The following GCH1 variants were observed in gnomAD, a reference collection of about 807,000 sequenced individuals.
GCH1 encodes the protein GTP cyclohydrolase I.
GCH1 carries 5 observed loss-of-function variants against 25.9 expected under a neutral mutation model. The observed-to-expected ratio is 0.19, with a 90% CI of 0.10 to 0.41. The LOEUF is 0.41. Ranked by LOEUF, GCH1 falls within the 10% of genes least tolerant of loss-of-function variation. The probability of loss-of-function intolerance (pLI) is 1.00; values close to 1 mark genes in which losing one functional copy is unlikely to be tolerated. For synonymous variants in GCH1, 159 were observed against 129.6 expected, an observed-to-expected ratio of 1.23 and a Z score of -1.54; for missense variants, 261 against 336.5, an observed-to-expected ratio of 0.78 and a Z score of 1.75.
chr14:54,869,306 T>G (rs752061252), intron 1 of GCH1, among the ~76,000 whole-genome samples: 1 of 152,206 alleles, frequency 6.6e-6, no homozygotes, highest in Non-Finnish European at 1.5e-5. Context: ...CCCAAAGTGC[T>G]GAGATTACAG....
chr14:54,902,197 G>C, intron 1 of GCH1, 124 bp downstream of exon 1: 1 of 1,088,908 alleles, frequency 9.2e-7, no homozygotes. Flanking sequence ...GTTCGGAGGT[G>C]ACAGCGCCCG....
chr14:54,867,459 A>ATG (rs2040003952), intron 1 of GCH1, among the ~76,000 whole-genome samples: 1 of 151,840 alleles, frequency 6.6e-6, no homozygotes, highest in African/African-American at 2.4e-5. Flanking sequence ...GTGGTGGTGC[A>ATG]TGCCTGTAGT....
chr14:54,856,560 C>A (rs990425648), intron 3 of GCH1, among the ~76,000 whole-genome samples: 4 of 152,196 alleles, frequency 2.6e-5, no homozygotes, highest in Non-Finnish European at 4.4e-5. Flanking sequence ...TCAAGCGATT[C>A]TTCCATCTCA....
At chr14:54,901,307 CGGAA>C (rs1053957653) in intron 1 of GCH1, among the ~76,000 whole-genome samples, 1 of 152,178 alleles carries the variant, frequency 6.6e-6, no homozygotes, top group African/African-American at 2.4e-5. Flanking sequence ...CCAAGACACA[CGGAA>C]GGTGTAGACT....
At chr14:54,897,262 A>G (rs2040500801) in intron 1 of GCH1, among the ~76,000 whole-genome samples, 1 of 148,736 alleles carries the variant, frequency 6.7e-6, no homozygotes, top group Non-Finnish European at 1.5e-5. Flanking sequence ...CTGGGATTAC[A>G]GACTTGAGCC....
At chr14:54,847,959 G>A (rs138130008) in intron 3 of GCH1, among the ~76,000 whole-genome samples, 7 of 151,920 alleles carry the variant, frequency 4.6e-5, no homozygotes, top group African/African-American at 7.2e-5. Flanking sequence ...AGCACACCAC[G>A]GTCAACTACT....
At chr14:54,899,536 C>T (rs1393610843) in intron 1 of GCH1, among the ~76,000 whole-genome samples, 1 of 152,102 alleles carries the variant, frequency 6.6e-6, no homozygotes, top group Non-Finnish European at 1.5e-5. Flanking sequence ...AACAGGGTCT[C>T]CCCACGTTGC....
At chr14:54,865,178 G>C (rs1210605036) in intron 2 of GCH1, 149 bp downstream of exon 2, 1 of 566,032 alleles carries the variant, frequency 1.8e-6, no homozygotes, top group East Asian at 3.0e-5. Context: ...CAAGTTATTA[G>C]TCAGGTTAAT....
chr14:54,899,364 G>A (rs1301071830), intron 1 of GCH1, among the ~76,000 whole-genome samples: 2 of 152,150 alleles, frequency 1.3e-5, no homozygotes, highest in African/African-American at 4.8e-5. Flanking sequence ...AGGAGGCTGA[G>A]GTGGGATCAC....
chr14:54,846,918 A>T (rs2039651229), intron 4 of GCH1, among the ~76,000 whole-genome samples, 181 bp downstream of exon 4: 1 of 152,066 alleles, frequency 6.6e-6, no homozygotes, highest in Admixed American at 6.5e-5. Context: ...AAAATTAGCC[A>T]AGGCATGGTG....
intron 3 of GCH1, among the ~76,000 whole-genome samples, chr14:54,856,016 T>C (rs1217953877): frequency 8.0e-6 from 1 of 125,250 alleles, no homozygotes; most frequent in Non-Finnish European, 1.6e-5. Context: ...GTTGCTTTTA[T>C]AGTCAAAAAA....
At chr14:54,893,511 T>C (rs965240699) in intron 1 of GCH1, among the ~76,000 whole-genome samples, 2 of 152,168 alleles carry the variant, frequency 1.3e-5, no homozygotes, top group Non-Finnish European at 2.9e-5. Context: ...AAAGCGGGGA[T>C]AGGTGAGGAA....
intron 1 of GCH1, among the ~76,000 whole-genome samples, chr14:54,901,338 G>A (rs1340157923): frequency 6.6e-6 from 1 of 151,822 alleles, no homozygotes; most frequent in Non-Finnish European, 1.5e-5. Context: ...TAATGTCTTT[G>A]GTCCCAGCTG....
In GCH1 at chr14:54,861,126, G is replaced by A. The variant is rs151031803; in HGVS notation, c.454-1390C>T. ...AACGGCATCATGGTTTGCTAACACT[G>A]TTTTCATTGTTCACTTACTATTTAC... On this transcript the variant is annotated intron_variant, in intron 2 of 5. Transcript: ENST00000491895. 1.8e-4 allele frequency among the ~76,000 whole-genome samples: 27 copies of A among 152,254 alleles called. No homozygotes were observed. In the East Asian group the frequency reaches 4.6e-3, roughly 26 times the overall value.
intron 1 of GCH1, among the ~76,000 whole-genome samples, chr14:54,896,561 A>G (rs886065913): frequency 2.6e-5 from 4 of 152,280 alleles, no homozygotes; most frequent in Non-Finnish European, 5.9e-5. Context: ...ACAGTAAGAA[A>G]TGCATTTTAC....
intron 1 of GCH1, among the ~76,000 whole-genome samples, chr14:54,878,395 G>A (rs1278882695): frequency 6.6e-6 from 1 of 152,208 alleles, no homozygotes; most frequent in Admixed American, 6.5e-5. Flanking sequence ...TTAAAATTAA[G>A]AGAAGAGACA....
chr14:54,873,204 T>C (rs1594998486), intron 1 of GCH1, among the ~76,000 whole-genome samples: 2 of 152,196 alleles, frequency 1.3e-5, no homozygotes, highest in Admixed American at 1.3e-4. Flanking sequence ...TCAAAACTGC[T>C]CAACTACATG....
chr14:54,883,402 C>A (rs1398055172), intron 1 of GCH1, among the ~76,000 whole-genome samples: 1 of 118,604 alleles, frequency 8.4e-6, no homozygotes, highest in Non-Finnish European at 1.7e-5. Context: ...AAAAAAAGCC[C>A]GGTGCGGTGG....
intron 1 of GCH1, among the ~76,000 whole-genome samples, chr14:54,869,629 T>C (rs1369127375): frequency 6.6e-6 from 1 of 152,096 alleles, no homozygotes; most frequent in African/African-American, 2.4e-5. Context: ...TATAGACACA[T>C]ACCACCACGC....
Sources: allele counts gnomAD v4.1 joint callset (sites outside exome capture counted in the v4.1 genomes callset), GRCh38; gene constraint gnomAD v4.1.1; transcripts MANE v1.5; gene names NCBI Gene and HGNC (gene_info 2026-07-23, HGNC 2026-07-21).